Variants in DTL observed in about 807,000 individuals in gnomAD.
The protein encoded by DTL is denticleless E3 ubiquitin protein ligase adapter.
In DTL, 46 loss-of-function variants were observed where a neutral mutation model predicts 87.0. The observed-to-expected ratio is 0.53, with a 90% CI of 0.42 to 0.68. DTL has a LOEUF of 0.68. Ranked by LOEUF, DTL falls within the 30% of genes least tolerant of loss-of-function variation. DTL has a pLI of 0.00. For synonymous variants in DTL, 308 were observed against 311.2 expected, an observed-to-expected ratio of 0.99 and a Z score of 0.11; for missense variants, 737 against 869.4, an observed-to-expected ratio of 0.85 and a Z score of 1.91.
At chr1:212,070,018 T>C (rs1354352967) in intron 10 of DTL, among the ~76,000 whole-genome samples, 1 of 152,208 alleles carries the variant, frequency 6.6e-6, no homozygotes, top group Admixed American at 6.5e-5. Flanking sequence ...AAGAGGTGTT[T>C]CTTTTGCTAT....
intron 5 of DTL, among the ~76,000 whole-genome samples, chr1:212,061,543 A>G (rs1654312249): frequency 6.6e-6 from 1 of 152,050 alleles, no homozygotes; most frequent in Admixed American, 6.6e-5. Context: ...TAGCAGTCTC[A>G]TTATTGGGTA....
rs756388129 is a variant in DTL, at chr1:212,080,692, T to C, written c.1203T>C (p.Asp401=). ...NRGLEEKPGG[D]KLSTVGWASQ... Reference sequence around the variant, plus strand: ...GCTTAGAGGAGAAACCAGGAGGTGATAAACTTTCCACGGTGGGTTGGGCCT... The same window carrying C: ...GCTTAGAGGAGAAACCAGGAGGTGACAAACTTTCCACGGTGGGTTGGGCCT... Residue 401 remains aspartate, a synonymous_variant, in exon 13 of 15, where the codon GAT becomes GAC. Transcript: ENST00000366991. 188 of 1,613,614 alleles carry C rather than the reference T, an allele frequency of 1.2e-4. No individual in the cohort carries two copies. The highest frequency in any genetic ancestry group is 1.5e-4 in the Non-Finnish European group (182 of 1,179,672).
In DTL at chr1:212,044,666, A is replaced by G. The variant is rs1239904850; in HGVS notation, c.185A>G (p.Asn62Ser). ...PFGCTFSSAP[N>S]MEHVLAVANE... is the part of the protein sequence containing the mutation. ...TTCTTTATTTCTGCTTTAGCTCCCAATATGGAACATGTACTAGCAGTTGCC... is the reference window on the plus strand; with the variant it reads ...TTCTTTATTTCTGCTTTAGCTCCCAGTATGGAACATGTACTAGCAGTTGCC... Residue 62 changes from asparagine to serine, a missense_variant, in exon 3 of 15, where the codon AAT becomes AGT. Physicochemically the swap from Asn to Ser is conservative, Grantham distance 46 (BLOSUM62 1). Transcript: ENST00000366991. 1.9e-6 allele frequency: 3 copies of G among 1,598,464 alleles called. No homozygotes were observed. The highest frequency in any genetic ancestry group is 1.7e-4 in the Middle Eastern group (1 of 6,014).
At chr1:212,060,502 A>G (rs1256722342) in intron 5 of DTL, among the ~76,000 whole-genome samples, 1 of 152,098 alleles carries the variant, frequency 6.6e-6, no homozygotes, top group African/African-American at 2.4e-5. Context: ...TTGGGAGGCC[A>G]AGGCAGGTGG....
At chr1:212,055,238 G>C (rs1329713208) in intron 5 of DTL, among the ~76,000 whole-genome samples, 1 of 150,430 alleles carries the variant, frequency 6.6e-6, no homozygotes, top group Non-Finnish European at 1.5e-5. Context: ...TCCTATGCAG[G>C]GACAGAGTAA....
chr1:212,059,779 C>CAAAAAAAAAA (rs58890148), intron 5 of DTL, among the ~76,000 whole-genome samples: 1 of 80,224 alleles, frequency 1.2e-5, no homozygotes. Context: ...AAAGACTCTA[C>CAAAAAAAAAA]AAAAAAAAAA....
intron 8 of DTL, among the ~76,000 whole-genome samples, chr1:212,067,393 T>C (rs909042933): frequency 6.6e-6 from 1 of 152,236 alleles, no homozygotes; most frequent in East Asian, 1.9e-4. Flanking sequence ...GTCTGAATTC[T>C]TGGCTTCCAA....
At chr1:212,096,996 C>G (rs1655470849) in intron 13 of DTL, among the ~76,000 whole-genome samples, 1 of 152,146 alleles carries the variant, frequency 6.6e-6, no homozygotes, top group South Asian at 2.1e-4. Flanking sequence ...AGGTTTTGCT[C>G]TAAGATTTAG....
intron 1 of DTL, among the ~76,000 whole-genome samples, chr1:212,042,632 A>C (rs987934803): frequency 3.9e-5 from 6 of 152,186 alleles, no homozygotes; most frequent in Non-Finnish European, 8.8e-5. Context: ...ATTTAATTGA[A>C]GGGGATAGCA....
Position 212,042,923 on chromosome 1 carries a change from C to T in DTL, c.53-70C>T, listed in dbSNP as rs1667698583. The T allele has an allele frequency of 5.6e-6, 8 of 1,424,516 alleles. No homozygotes were observed. The South Asian group carries it at 7.3e-5, about 13-fold the overall frequency. The allele number at this position is 1,424,516 out of a possible 1,614,324, so 88.2% of individuals were successfully genotyped here. A position where few individuals can be genotyped will look rare whatever the true frequency, so the allele number is the denominator to read the frequency against. ...AAGTTTCTTAAGGACAAATATTTAC[C>T]TCTGAATTTGTTAAAAATGCTGAAA... is the stretch of plus-strand genomic sequence containing the variant. On this transcript the variant is annotated intron_variant, in intron 1 of 14. Transcript: ENST00000366991.
intron 1 of DTL, among the ~76,000 whole-genome samples, chr1:212,037,526 A>G (rs1484690328): frequency 6.6e-6 from 1 of 152,230 alleles, no homozygotes; most frequent in Non-Finnish European, 1.5e-5. Context: ...TAGGGAAAAC[A>G]GTGTATAACT....
At chr1:212,041,174 T>G (rs1667630382) in intron 1 of DTL, among the ~76,000 whole-genome samples, 1 of 152,102 alleles carries the variant, frequency 6.6e-6, no homozygotes, top group Non-Finnish European at 1.5e-5. Context: ...GGTTCATCAG[T>G]GAAGTGTGTA....
chr1:212,101,794 A>G (rs1295983692), intron 14 of DTL, among the ~76,000 whole-genome samples: 10 of 152,204 alleles, frequency 6.6e-5, no homozygotes, highest in Non-Finnish European at 1.2e-4. Flanking sequence ...GTCATCAGTG[A>G]TTGATGGCAG....
At chr1:212,051,595 C>T (rs1667983371) in intron 5 of DTL, 2 of 828,198 alleles carry the variant, frequency 2.4e-6, no homozygotes, top group Admixed American at 1.9e-5. Flanking sequence ...ACAAAGTGTG[C>T]TTCTCTGGGT....
chr1:212,085,057 G>T lies in DTL; in HGVS notation c.1261+4307G>T, dbSNP rs115771662. ...ATAGTTGTTGTACTATATCATTTAGGGAATAATGACAGGAAAGAAAAGTCT... is the reference window on the plus strand; with the variant it reads ...ATAGTTGTTGTACTATATCATTTAGTGAATAATGACAGGAAAGAAAAGTCT... On this transcript the variant is annotated intron_variant, in intron 13 of 14. Transcript: ENST00000366991. Among the ~76,000 whole-genome samples, 1,464 of 152,172 alleles carry T rather than the reference G, an allele frequency of 9.6e-3. 30 individuals are homozygous for T. The highest frequency in any genetic ancestry group is 0.033 in the African/African-American group (1,371 of 41,514).
intron 12 of DTL, among the ~76,000 whole-genome samples, chr1:212,080,203 G>A (rs905974214): frequency 6.6e-6 from 1 of 151,990 alleles, no homozygotes; most frequent in Non-Finnish European, 1.5e-5. Flanking sequence ...TTAGCAATGT[G>A]GCACAACATG....
At chr1:212,056,050 G>T (rs1558075588) in intron 5 of DTL, among the ~76,000 whole-genome samples, 1 of 152,168 alleles carries the variant, frequency 6.6e-6, no homozygotes, top group Non-Finnish European at 1.5e-5. Context: ...GGAACACTTG[G>T]GTTCCAGGGG....
intron 5 of DTL, among the ~76,000 whole-genome samples, chr1:212,062,093 A>C (rs77763069): frequency 0.02 from 3,065 of 152,306 alleles, 32 homozygotes; most frequent in African/African-American, 0.026. Flanking sequence ...GCAGGCATCA[A>C]AATATCACAT....
At chr1:212,075,309 G>A (rs2102561111) in intron 11 of DTL, among the ~76,000 whole-genome samples, 1 of 152,238 alleles carries the variant, frequency 6.6e-6, no homozygotes, top group Admixed American at 6.5e-5. Context: ...GGGATTCCTT[G>A]TGCCTTGAAT....
Sources: allele counts gnomAD v4.1 joint callset (sites outside exome capture counted in the v4.1 genomes callset), GRCh38; gene constraint gnomAD v4.1.1; transcripts MANE v1.5; gene names NCBI Gene and HGNC (gene_info 2026-07-23, HGNC 2026-07-21).